The following AMPH variants were observed in gnomAD, a reference collection of about 807,000 sequenced individuals.
AMPH encodes the protein amphiphysin (Stiff-Mann syndrome with breast cancer 128kD autoantigen).
In AMPH, 49 loss-of-function variants were observed where a neutral mutation model predicts 99.1. The ratio of observed to expected loss-of-function variants is 0.49; its 90% CI spans 0.39 to 0.63. The LOEUF (loss-of-function observed/expected upper bound fraction) is 0.63. Among genes scored for constraint, AMPH ranks in the 20% least tolerant of loss-of-function variants. AMPH has a pLI of 0.00. For synonymous variants in AMPH, 314 were observed against 317.3 expected, an observed-to-expected ratio of 0.99 and a Z score of 0.11; for missense variants, 759 against 863.4, an observed-to-expected ratio of 0.88 and a Z score of 1.52.
chr7:38,466,321 A>G, intron 7 of AMPH, 73 bp from the exon 8 acceptor site: 1 of 1,176,796 alleles, frequency 8.5e-7, no homozygotes, highest in African/African-American at 1.6e-5. Flanking sequence ...TTTAATAGCA[A>G]TGAAATGTAT....
intron 2 of AMPH, among the ~76,000 whole-genome samples, chr7:38,511,574 A>T (rs1448089671): frequency 6.6e-6 from 1 of 152,224 alleles, no homozygotes; most frequent in East Asian, 1.9e-4. Flanking sequence ...AGAAAGCATG[A>T]ATACTAAAGG....
chr7:38,523,740 CTAAT>C lies in AMPH; in HGVS notation c.150+11187_150+11190del, dbSNP rs1348078557. On this transcript the variant is annotated intron_variant, in intron 2 of 20. Coordinates refer to ENST00000356264, the MANE Select transcript of AMPH (RefSeq NM_001635.4). ...AAAAATTTTACCACTGAGTAGAATG[CTAAT>C]TAATAAGTTTAGAAGGAATTCAAAA... 5.9e-5 allele frequency among the ~76,000 whole-genome samples: 9 copies of C among 152,082 alleles called. No homozygotes were observed. In the South Asian group the frequency reaches 1.7e-3, roughly 28 times the overall value.
chr7:38,607,223 C>T (rs991202255), intron 1 of AMPH, among the ~76,000 whole-genome samples: 2 of 152,104 alleles, frequency 1.3e-5, no homozygotes, highest in African/African-American at 4.8e-5. Flanking sequence ...ATTCTACCAA[C>T]CGAAAATTTC....
At chr7:38,622,454 TACACACAC>T (rs57860314) in intron 1 of AMPH, among the ~76,000 whole-genome samples, 3 of 149,732 alleles carry the variant, frequency 2.0e-5, no homozygotes, top group Non-Finnish European at 3.0e-5. Flanking sequence ...TATGAATACA[TACACACAC>T]ACACACACAC....
chr7:38,554,143 A>T (rs1791281073), intron 1 of AMPH, among the ~76,000 whole-genome samples: 1 of 152,156 alleles, frequency 6.6e-6, no homozygotes. Flanking sequence ...CATTCTGGGC[A>T]TTTTCATCAA....
At chr7:38,558,543 T>C (rs891129994) in intron 1 of AMPH, among the ~76,000 whole-genome samples, 1 of 152,230 alleles carries the variant, frequency 6.6e-6, no homozygotes, top group Non-Finnish European at 1.5e-5. Context: ...ATGCTATTTT[T>C]AGTCTGCAAG....
Position 38,535,820 on chromosome 7 carries a change from G to A in AMPH, c.70-809C>T, listed in dbSNP as rs142886588. ...TGCCGCTGCTGATCTGACAGGAGGC[G>A]GAGCTCGGGTGGTAATGCTCCCTCA... On this transcript the variant is annotated intron_variant, in intron 1 of 20. Coordinates refer to ENST00000356264, the MANE Select transcript of AMPH (RefSeq NM_001635.4). 2.2e-3 allele frequency among the ~76,000 whole-genome samples: 333 copies of A among 152,228 alleles called. 1 individual carries two copies. The highest frequency in any genetic ancestry group is 7.6e-3 in the African/African-American group (314 of 41,522).
At chr7:38,397,632 C>T (rs1293253788) in intron 17 of AMPH, among the ~76,000 whole-genome samples, 1 of 152,160 alleles carries the variant, frequency 6.6e-6, no homozygotes, top group African/African-American at 2.4e-5. Context: ...ATCCCAAAAG[C>T]ACAGGCACAC....
chr7:38,571,540 G>A (rs6971815), intron 1 of AMPH, among the ~76,000 whole-genome samples: 113,428 of 137,486 alleles, frequency 0.83, 47,154 homozygotes, highest in African/African-American at 0.91. Flanking sequence ...TATATATTCT[G>A]TATAAATATA....
At chr7:38,491,197 A>G (rs766647535) in intron 4 of AMPH, 52 bp from the exon 5 acceptor site, 2 of 1,252,966 alleles carry the variant, frequency 1.6e-6, no homozygotes, top group African/African-American at 4.2e-5. Flanking sequence ...GATACCTTTC[A>G]CCAAACTTCT....
At chr7:38,557,977 A>AGCC (rs1791424014) in intron 1 of AMPH, among the ~76,000 whole-genome samples, 1 of 151,512 alleles carries the variant, frequency 6.6e-6, no homozygotes, top group Non-Finnish European at 1.5e-5. Context: ...ATTGCACTCC[A>AGCC]GCCCGGGTGA....
chr7:38,411,586 T>A (rs1268823754), intron 17 of AMPH, among the ~76,000 whole-genome samples: 1 of 151,966 alleles, frequency 6.6e-6, no homozygotes, highest in Non-Finnish European at 1.5e-5. Context: ...GTCTAGGGGG[T>A]TGGTTCCATA....
At chr7:38,512,617 A>G (rs989192023) in intron 2 of AMPH, among the ~76,000 whole-genome samples, 1 of 152,228 alleles carries the variant, frequency 6.6e-6, no homozygotes, top group Admixed American at 6.5e-5. Flanking sequence ...GACAGATAAA[A>G]GGAAACCATC....
chr7:38,618,437 G>T (rs111397655), intron 1 of AMPH, among the ~76,000 whole-genome samples: 55,387 of 151,738 alleles, frequency 0.37, 10,822 homozygotes, highest in Non-Finnish European at 0.44. Flanking sequence ...GCATGAAACC[G>T]GGAGGCAGAG....
intron 1 of AMPH, among the ~76,000 whole-genome samples, chr7:38,608,243 G>C (rs928394177): frequency 6.6e-6 from 1 of 152,278 alleles, no homozygotes; most frequent in South Asian, 2.1e-4. Flanking sequence ...GTGAGTATCT[G>C]AGCACGGCTC....
At chr7:38,546,717 A>G (rs979850540) in intron 1 of AMPH, among the ~76,000 whole-genome samples, 1 of 152,230 alleles carries the variant, frequency 6.6e-6, no homozygotes, top group Non-Finnish European at 1.5e-5. Context: ...TGGGAAGGAT[A>G]GAATTCTATT....
At chr7:38,550,647 T>C (rs1791148893) in intron 1 of AMPH, among the ~76,000 whole-genome samples, 1 of 152,210 alleles carries the variant, frequency 6.6e-6, no homozygotes, top group Non-Finnish European at 1.5e-5. Flanking sequence ...ATCACCTGGA[T>C]AGTGTGTATT....
At chr7:38,445,108 T>C (rs1464768776) in intron 11 of AMPH, among the ~76,000 whole-genome samples, 6 of 129,116 alleles carry the variant, frequency 4.6e-5, no homozygotes, top group African/African-American at 1.7e-4. Flanking sequence ...ATATATTAGA[T>C]AGATAGATAA....
chr7:38,527,907 G>T (rs1790249251), intron 2 of AMPH, among the ~76,000 whole-genome samples: 1 of 152,162 alleles, frequency 6.6e-6, no homozygotes, highest in South Asian at 2.1e-4. Context: ...TTACCAAAAT[G>T]AGGTAATTCT....
Sources: allele counts gnomAD v4.1 joint callset (sites outside exome capture counted in the v4.1 genomes callset), GRCh38; gene constraint gnomAD v4.1.1; transcripts MANE v1.5; gene names NCBI Gene and HGNC (gene_info 2026-07-23, HGNC 2026-07-21).